IFRD1: variants seen among roughly 807,000 people sequenced by gnomAD.
IFRD1 encodes interferon-related developmental regulator 1.
In IFRD1, 35 loss-of-function variants were observed where a neutral mutation model predicts 52.9. That is an observed-to-expected ratio of 0.66 (90% CI 0.51 to 0.88). The LOEUF (loss-of-function observed/expected upper bound fraction) is 0.88. IFRD1 is among the 40% of genes least tolerant of loss of function. The pLI is 0.00. For synonymous variants in IFRD1, 184 were observed against 188.4 expected, an observed-to-expected ratio of 0.98 and a Z score of 0.19; for missense variants, 517 against 550.8, an observed-to-expected ratio of 0.94 and a Z score of 0.61.
chr7:112,437,910 G>A (rs1457835551), intron 1 of IFRD1, among the ~76,000 whole-genome samples: 1 of 152,160 alleles, frequency 6.6e-6, no homozygotes, highest in Non-Finnish European at 1.5e-5. Flanking sequence ...ATGTGAAATG[G>A]TTTAGCATGC....
At chr7:112,444,767 A>G (rs183935616) in intron 1 of IFRD1, among the ~76,000 whole-genome samples, 6 of 152,296 alleles carry the variant, frequency 3.9e-5, no homozygotes, top group Admixed American at 3.9e-4. Flanking sequence ...TCTGGACATA[A>G]AAAAGCAACA....
At chr7:112,433,588 G>A (rs1263008916) in intron 1 of IFRD1, among the ~76,000 whole-genome samples, 1 of 152,166 alleles carries the variant, frequency 6.6e-6, no homozygotes, top group South Asian at 2.1e-4. Flanking sequence ...TGTTAATCCT[G>A]CAAGGGCAAT....
At chr7:112,474,981 C>T (rs528981553) in intron 11 of IFRD1, among the ~76,000 whole-genome samples, 3 of 149,348 alleles carry the variant, frequency 2.0e-5, no homozygotes, top group East Asian at 1.9e-4. Flanking sequence ...TTTTTTGAGA[C>T]GGAGTCTCGT....
chr7:112,440,558 AATG>A (rs1794856315), intron 1 of IFRD1, among the ~76,000 whole-genome samples: 1 of 152,222 alleles, frequency 6.6e-6, no homozygotes, highest in Non-Finnish European at 1.5e-5. Context: ...AAATATCAGT[AATG>A]ATGAATGAAA....
At chr7:112,428,777 CCCT>C (rs1794484766) in intron 1 of IFRD1, among the ~76,000 whole-genome samples, 2 of 152,150 alleles carry the variant, frequency 1.3e-5, no homozygotes, top group South Asian at 4.1e-4. Flanking sequence ...AGAGCCCCTA[CCCT>C]TTTAAAGCTG....
intron 1 of IFRD1, among the ~76,000 whole-genome samples, chr7:112,445,214 C>G (rs908752632): frequency 2.0e-5 from 3 of 152,014 alleles, no homozygotes; most frequent in Non-Finnish European, 2.9e-5. Context: ...CTACAGGCGC[C>G]CGCCACCACG....
At chr7:112,458,813 T>C (rs1795356692) in intron 4 of IFRD1, 48 bp from the exon 5 acceptor site, 1 of 1,556,944 alleles carries the variant, frequency 6.4e-7, no homozygotes, top group Admixed American at 1.7e-5. Flanking sequence ...CTTAGTAAGT[T>C]AGTCTACTGA....
intron 1 of IFRD1, among the ~76,000 whole-genome samples, chr7:112,426,671 CAT>C (rs1180371784): frequency 6.6e-6 from 1 of 152,172 alleles, no homozygotes; most frequent in African/African-American, 2.4e-5. Flanking sequence ...GGGATCCACA[CAT>C]GTCTCATTAT....
chr7:112,445,346 G>A (rs938018904), intron 1 of IFRD1, among the ~76,000 whole-genome samples: 6 of 152,162 alleles, frequency 3.9e-5, no homozygotes, highest in African/African-American at 1.2e-4. Flanking sequence ...GATTACAGGT[G>A]TGAGTTACCC....
chr7:112,443,753 T>G (rs1584478159), intron 1 of IFRD1, among the ~76,000 whole-genome samples: 1 of 150,472 alleles, frequency 6.6e-6, no homozygotes, highest in Admixed American at 6.6e-5. Context: ...CTGTAATCCC[T>G]CGGGAGGCTT....
intron 11 of IFRD1, among the ~76,000 whole-genome samples, chr7:112,474,890 C>T (rs12154294): frequency 0.48 from 73,234 of 151,916 alleles, 18,135 homozygotes; most frequent in Non-Finnish European, 0.52. Flanking sequence ...TTTTTGAAAT[C>T]GTCTAACTTT....
intron 9 of IFRD1, among the ~76,000 whole-genome samples, chr7:112,471,353 C>T (rs372519886): frequency 2.6e-5 from 4 of 152,068 alleles, no homozygotes; most frequent in East Asian, 3.9e-4. Flanking sequence ...CTAGGGTTGA[C>T]GGTCTTTTCT....
chr7:112,463,882 A>C (rs1282378975), intron 8 of IFRD1, among the ~76,000 whole-genome samples: 2,098 of 50,306 alleles, frequency 0.042, 27 homozygotes, highest in Non-Finnish European at 0.06. Flanking sequence ...ACACACACAC[A>C]CACACACACA....
chr7:112,449,518 A>T (rs796840072), upstream of IFRD1, among the ~76,000 whole-genome samples: 52 of 152,302 alleles, frequency 3.4e-4, no homozygotes, highest in African/African-American at 1.2e-3. Flanking sequence ...GAGGTGAGTC[A>T]GGGACTTTGA....
At chr7:112,466,722 A>G (rs1307691309) in intron 8 of IFRD1, among the ~76,000 whole-genome samples, 2 of 152,236 alleles carry the variant, frequency 1.3e-5, no homozygotes, top group East Asian at 3.8e-4. Flanking sequence ...AAAACCCTTT[A>G]CATATACATA....
chr7:112,431,441 G>C (rs1431338947), intron 1 of IFRD1, among the ~76,000 whole-genome samples: 3 of 152,132 alleles, frequency 2.0e-5, no homozygotes, highest in Non-Finnish European at 4.4e-5. Context: ...TGAATGACAT[G>C]CATCAGTTTG....
At chr7:112,451,656 C>T (rs1054221840) in intron 1 of IFRD1, among the ~76,000 whole-genome samples, 1 of 152,086 alleles carries the variant, frequency 6.6e-6, no homozygotes, top group Non-Finnish European at 1.5e-5. Flanking sequence ...TGGTTTTCTA[C>T]TTATTATATG....
intron 10 of IFRD1, 90 bp downstream of exon 10, chr7:112,472,437 T>G (rs1795774793): frequency 7.3e-7 from 1 of 1,365,132 alleles, no homozygotes; most frequent in Non-Finnish European, 1.0e-6. Flanking sequence ...ATTAATTAGG[T>G]ATCCAGAGTG....
At chr7:112,451,974 A>T (rs1795176403) in intron 1 of IFRD1, 1 of 980,378 alleles carries the variant, frequency 1.0e-6, no homozygotes, top group African/African-American at 1.8e-5. Context: ...AAAACTCGTG[A>T]TCATGTATTA....
Sources: gnomAD v4.1 joint callset for allele counts (sites outside exome capture counted in the v4.1 genomes callset) on GRCh38, gnomAD v4.1.1 for gene constraint, MANE v1.5 for transcripts, NCBI Gene and HGNC (gene_info 2026-07-23, HGNC 2026-07-21) for gene names.